The following PCDHGA4 variants were observed in gnomAD, a reference collection of about 807,000 sequenced individuals.
PCDHGA4 encodes protocadherin gamma subfamily A, 4, also known as protocadherin gamma-A4.
In PCDHGA4, 38 loss-of-function variants were observed where a neutral mutation model predicts 54.6. The ratio of observed to expected loss-of-function variants is 0.70; its 90% CI spans 0.54 to 0.91. PCDHGA4 has a LOEUF of 0.91. Among genes scored for constraint, PCDHGA4 ranks in the 40% least tolerant of loss-of-function variants. The pLI is 0.00. For missense variants in PCDHGA4, 1,298 were observed against 1,220.9 expected (o/e 1.06, Z -0.94); for synonymous variants, 511 against 512.9 (o/e 1.00, Z 0.05).
At chr5:141,445,339 A>G (rs1450773291) in intron 1 of PCDHGA4, among the ~76,000 whole-genome samples, 1 of 152,152 alleles carries the variant, frequency 6.6e-6, no homozygotes, top group Non-Finnish European at 1.5e-5. Context: ...GAAACAGTAA[A>G]CATTGGTGTC....
In PCDHGA4 at chr5:141,355,881, G is replaced by A. The variant is rs1338727421; in HGVS notation, c.774G>A (p.Arg258=). Residue 258 remains arginine, a synonymous_variant, in exon 1 of 4, where the codon AGG becomes AGA. Transcript: ENST00000571252. ...GGDPVRSGTA[R]ILIILVDTND... is the part of the protein sequence containing the mutation. ...ACCCGGTTCGCTCTGGCACTGCCAG[G>A]ATTCTCATAATACTTGTGGATACCA... is the stretch of plus-strand genomic sequence containing the variant. 6.2e-7 allele frequency: 1 copy of A among 1,613,360 alleles called. No individual in the cohort carries two copies. The highest frequency in any genetic ancestry group is 2.2e-5 in the East Asian group (1 of 44,856).
At chr5:141,390,352 A>C (rs1340044054) in intron 1 of PCDHGA4, 1 of 1,557,524 alleles carries the variant, frequency 6.4e-7, no homozygotes, top group African/African-American at 1.4e-5. Context: ...GAAAATATAC[A>C]TATTTGCAGG....
At position 141,370,127 on chromosome 5, in the gene PCDHGA4, G is replaced by A. The variant is rs1588666057; in HGVS notation, c.2514+12506G>A. ...TTTCTCCTAACTAGCTCCTTATTTGGAGCTGATTTAGTCACCATTACTGCA... is the reference window on the plus strand; with the variant it reads ...TTTCTCCTAACTAGCTCCTTATTTGAAGCTGATTTAGTCACCATTACTGCA... On this transcript the variant is annotated intron_variant, in intron 1 of 3. Transcript: ENST00000571252. 5 of 394,722 alleles carry A rather than the reference G, an allele frequency of 1.3e-5. No individual in the cohort carries two copies. The East Asian group carries it at 1.9e-4, about 15-fold the overall frequency. 24.5% of individuals were successfully genotyped at this position (394,722 alleles called of 1,614,324 possible). A position where few individuals can be genotyped will look rare whatever the true frequency, so the allele number is the denominator to read the frequency against.
intron 3 of PCDHGA4, among the ~76,000 whole-genome samples, chr5:141,509,622 T>C (rs2099877603): frequency 6.6e-6 from 1 of 152,186 alleles, no homozygotes; most frequent in Non-Finnish European, 1.5e-5. Flanking sequence ...AACAAGTTCC[T>C]GGGTGATGCT....
intron 1 of PCDHGA4, chr5:141,389,804 T>G (rs751634687): frequency 2.3e-5 from 37 of 1,613,616 alleles, no homozygotes; most frequent in Non-Finnish European, 3.1e-5. Flanking sequence ...GCCAGCGCCT[T>G]CTGGTCGCCG....
At chr5:141,440,115 A>G (rs921555018) in intron 1 of PCDHGA4, 4 of 152,250 alleles carry the variant, frequency 2.6e-5, no homozygotes, top group African/African-American at 4.8e-5. Flanking sequence ...TTACTTGTGA[A>G]TGACTGAATG....
chr5:141,428,081 C>T (rs768842388), intron 1 of PCDHGA4: 2 of 1,609,218 alleles, frequency 1.2e-6, no homozygotes, highest in Non-Finnish European at 1.7e-6. Context: ...CGGGACACAA[C>T]GCTTGGCTGT....
intron 1 of PCDHGA4, chr5:141,409,184 T>G: frequency 6.2e-7 from 1 of 1,614,044 alleles, no homozygotes; most frequent in East Asian, 2.2e-5. Context: ...AGGTGGTCTC[T>G]CTACCCAGTG....
intron 1 of PCDHGA4, chr5:141,370,872 C>A (rs201155008): frequency 6.2e-7 from 1 of 1,614,014 alleles, no homozygotes; most frequent in Admixed American, 1.7e-5. Flanking sequence ...TGCGCAAGAT[C>A]CTGATGTAGG....
chr5:141,365,302 A>C (rs1763838303), intron 1 of PCDHGA4: 4 of 1,613,872 alleles, frequency 2.5e-6, no homozygotes, highest in Non-Finnish European at 2.5e-6. Context: ...CTCAGGATGG[A>C]GGCGCTCTTG....
chr5:141,389,464 A>G (rs1277929756), intron 1 of PCDHGA4: 1 of 1,613,306 alleles, frequency 6.2e-7, no homozygotes, highest in Admixed American at 1.7e-5. Flanking sequence ...CGCGCCTTCG[A>G]ACTCACACTG....
intron 1 of PCDHGA4, chr5:141,387,775 A>C (rs2091090328): frequency 6.9e-7 from 1 of 1,450,000 alleles, no homozygotes; most frequent in South Asian, 1.4e-5. Context: ...TTTTTTCTTG[A>C]ACTGGAACTG....
rs143939286 is a variant in PCDHGA4 at position 141,427,522 on chromosome 5, T to C, written c.2515-67285T>C. 6.1e-3 allele frequency: 3,716 copies of C among 607,796 alleles called. 27 individuals are homozygous for C. The highest frequency in any genetic ancestry group is 8.8e-3 in the Non-Finnish European group (2,868 of 324,656). The allele number at this position is 607,796 out of a possible 1,614,324, so 37.7% of individuals were successfully genotyped here. A position where few individuals can be genotyped will look rare whatever the true frequency, so the allele number is the denominator to read the frequency against. On this transcript the variant is annotated intron_variant, in intron 1 of 3. Transcript: ENST00000571252. ...GATGGGACCCTGGATTGGGAGCGGATCCCGGAGTACAACGTCACCATCACT... is the reference window on the plus strand; with the variant it reads ...GATGGGACCCTGGATTGGGAGCGGACCCCGGAGTACAACGTCACCATCACT...
At chr5:141,478,231 T>C (rs1423148) in intron 1 of PCDHGA4, 739,438 of 1,613,786 alleles carry the variant, frequency 0.46, 177,434 homozygotes, top group African/African-American at 0.83. Flanking sequence ...CTGTGGGGTT[T>C]GTGGTCACAG....
chr5:141,432,681 G>A lies in PCDHGA4; in HGVS notation c.2515-62126G>A, dbSNP rs147073234. 2.4e-3 allele frequency: 3,845 copies of A among 1,613,930 alleles called. 12 individuals carry two copies. Among genetic ancestry groups the A allele is most frequent in the Admixed American group, 6.0e-3 (358 of 60,016 alleles). On this transcript the variant is annotated intron_variant, in intron 1 of 3. Coordinates refer to ENST00000571252, the MANE Select transcript of PCDHGA4 (RefSeq NM_018917.4). This position sits in a 1 kb window ranked among gnomAD's most constrained non-coding sequence, Gnocchi z 6.0. Reference sequence around the variant, plus strand: ...CTGGACAGAGACGCGCTCAAGCAGAGCCTCGTAGTGGCCGTCCAGGACCAC... The same window carrying A: ...CTGGACAGAGACGCGCTCAAGCAGAACCTCGTAGTGGCCGTCCAGGACCAC...
At chr5:141,469,833 TTA>T (rs1343669772) in intron 1 of PCDHGA4, among the ~76,000 whole-genome samples, 2 of 152,054 alleles carry the variant, frequency 1.3e-5, no homozygotes, top group Non-Finnish European at 2.9e-5. Flanking sequence ...CACATAAAAC[TTA>T]TTCTTAAGAT....
rs1405876688 is a variant in PCDHGA4 at position 141,356,285 on chromosome 5, C to A, written c.1178C>A (p.Pro393Gln). 6 of 1,556,488 alleles carry A rather than the reference C, an allele frequency of 3.9e-6. No individual in the cohort carries two copies. The highest frequency in any genetic ancestry group is 1.4e-5 in the African/African-American group (1 of 73,236). Residue 393 changes from proline to glutamine, a missense_variant, in exon 1 of 4, where the codon CCG (proline) becomes CAG (glutamine). Coordinates refer to ENST00000571252, the MANE Select transcript of PCDHGA4 (RefSeq NM_018917.4). ...AGCTCAGTCCAGGAATCTTCTTCCC[C>A]GGGTACAGTAATTGCACTTTTCAAC... ...LTSSVQESSS[P>Q]GTVIALFNVH...
intron 1 of PCDHGA4, chr5:141,415,485 T>C (rs2154545779): frequency 6.2e-7 from 1 of 1,614,044 alleles, no homozygotes; most frequent in South Asian, 1.1e-5. Flanking sequence ...CGCGAAAGAG[T>C]CACCTGATCT....
Position 141,490,509 on chromosome 5 carries a change from G to A in PCDHGA4, c.2515-4298G>A. 6.2e-7 allele frequency: 1 copy of A among 1,614,072 alleles called. No individual in the cohort carries two copies. On this transcript the variant is annotated intron_variant, in intron 1 of 3. Transcript: ENST00000571252. The surrounding 1 kb of genome is among the most constrained non-coding windows in gnomAD (Gnocchi z 5.4). ...AGGCCACATCCCACTATATCATCGA[G>A]CTGCTGGCCAGCGATGCTGGTTCAC...
Sources: gnomAD v4.1 joint callset for allele counts (sites outside exome capture counted in the v4.1 genomes callset) on GRCh38, gnomAD v4.1.1 for gene constraint, Gnocchi (gnomAD v3.1) non-coding constraint, MANE v1.5 for transcripts, NCBI Gene and HGNC (gene_info 2026-07-23, HGNC 2026-07-21) for gene names.